Variants in NRXN3 observed in about 807,000 individuals in gnomAD.
NRXN3 encodes the protein neurexin 3, also known as neurexin III.
NRXN3 carries 32 observed loss-of-function variants against 137.6 expected under a neutral mutation model. The ratio of observed to expected loss-of-function variants is 0.23; its 90% CI spans 0.18 to 0.31. The LOEUF is 0.31. Ranked by LOEUF, NRXN3 falls within the 10% of genes least tolerant of loss-of-function variation. The probability of loss-of-function intolerance (pLI) is 1.00; values close to 1 mark genes in which losing one functional copy is unlikely to be tolerated. For missense variants in NRXN3, 1,574 were observed against 2,062.5 expected, an observed-to-expected ratio of 0.76 and a Z score of 4.59; for synonymous variants, 798 against 784.5, an observed-to-expected ratio of 1.02 and a Z score of -0.29.
At chr14:79,163,007 C>G (rs2060944067) in intron 15 of NRXN3, among the ~76,000 whole-genome samples, 1 of 151,794 alleles carries the variant, frequency 6.6e-6, no homozygotes, top group South Asian at 2.1e-4. Flanking sequence ...CTCTCTGTCT[C>G]TCTGCATGTG....
intron 4 of NRXN3, among the ~76,000 whole-genome samples, chr14:78,497,726 T>C (rs990283780): frequency 3.9e-5 from 6 of 152,180 alleles, no homozygotes; most frequent in African/African-American, 1.4e-4. Flanking sequence ...TATTTCATGG[T>C]TAGATATATA....
intron 15 of NRXN3, among the ~76,000 whole-genome samples, chr14:79,011,429 GAAA>G (rs759463585): frequency 4.8e-5 from 2 of 41,356 alleles, no homozygotes; most frequent in African/African-American, 1.7e-4. Context: ...GTTGGTCCAG[GAAA>G]AAAAAAAAAA....
intron 15 of NRXN3, among the ~76,000 whole-genome samples, chr14:79,290,354 T>C (rs1040878181): frequency 2.6e-5 from 4 of 152,148 alleles, no homozygotes; most frequent in Non-Finnish European, 5.9e-5. Flanking sequence ...TGAACCCACA[T>C]TGGTGTTTTA....
chr14:78,682,677 T>C (rs72683596), intron 6 of NRXN3, among the ~76,000 whole-genome samples: 16,351 of 150,936 alleles, frequency 0.11, 917 homozygotes, highest in Admixed American at 0.15. Flanking sequence ...AGGAGACAGA[T>C]ACTACACTGT....
intron 10 of NRXN3, among the ~76,000 whole-genome samples, chr14:78,878,946 C>T (rs1309643446): frequency 1.3e-5 from 2 of 151,958 alleles, no homozygotes; most frequent in African/African-American, 4.8e-5. Flanking sequence ...TAAGCGAGGT[C>T]GTGCAGTATT....
chr14:79,150,639 G>T (rs997889103), intron 15 of NRXN3, among the ~76,000 whole-genome samples: 1 of 151,204 alleles, frequency 6.6e-6, no homozygotes, highest in Non-Finnish European at 1.5e-5. Context: ...CCCAGTAGGA[G>T]ATCCACCACA....
At chr14:79,604,147 T>C (rs1303702838) in intron 16 of NRXN3, among the ~76,000 whole-genome samples, 1 of 151,792 alleles carries the variant, frequency 6.6e-6, no homozygotes, top group Admixed American at 6.6e-5. Flanking sequence ...CGCCTCGGCC[T>C]CCCAAGGTGC....
intron 15 of NRXN3, among the ~76,000 whole-genome samples, chr14:79,250,285 G>C (rs2075757790): frequency 6.6e-6 from 1 of 152,140 alleles, no homozygotes. Flanking sequence ...AGAGAAATAT[G>C]ATGTAGGCTT....
At chr14:78,760,889 G>C (rs981283099) in intron 8 of NRXN3, among the ~76,000 whole-genome samples, 1 of 152,112 alleles carries the variant, frequency 6.6e-6, no homozygotes, top group East Asian at 1.9e-4. Context: ...GAGGAATCAT[G>C]GAAAATACCT....
intron 10 of NRXN3, among the ~76,000 whole-genome samples, chr14:78,946,935 C>T (rs182870139): frequency 6.6e-6 from 1 of 152,224 alleles, no homozygotes; most frequent in Non-Finnish European, 1.5e-5. Context: ...ATGTGCATGT[C>T]TTGCAAGTTT....
At chr14:79,134,091 C>T (rs12880289) in intron 15 of NRXN3, among the ~76,000 whole-genome samples, 4 of 151,844 alleles carry the variant, frequency 2.6e-5, no homozygotes, top group African/African-American at 7.3e-5. Flanking sequence ...TTCCTCTCAC[C>T]CCTTAGTGGT....
chr14:78,704,533 G>A (rs985819377), intron 6 of NRXN3, among the ~76,000 whole-genome samples: 1 of 152,182 alleles, frequency 6.6e-6, no homozygotes, highest in African/African-American at 2.4e-5. Flanking sequence ...TTGTGCAGGA[G>A]GGGAAGGGCT....
intron 16 of NRXN3, among the ~76,000 whole-genome samples, chr14:79,626,581 T>C (rs1214557623): frequency 6.6e-6 from 1 of 152,214 alleles, no homozygotes; most frequent in Non-Finnish European, 1.5e-5. Flanking sequence ...ATTCTTCAGA[T>C]AAACAGGTTG....
rs552610051 is a variant in NRXN3, at chr14:78,821,554, G to A, written c.2275+11210G>A. Among the ~76,000 whole-genome samples the A allele has an allele frequency of 1.4e-4, 22 of 152,188 alleles. No individual in the cohort carries two copies. The East Asian group carries it at 4.1e-3, about 28-fold the overall frequency. On this transcript the variant is annotated intron_variant, in intron 10 of 20. Coordinates refer to ENST00000335750, the MANE Select transcript of NRXN3 (RefSeq NM_001330195.2). ...CAGTGTATGGCAGCAGCAAATGTGT[G>A]TCAGATAGAAAGACAAAGGGAAAGG...
intron 4 of NRXN3, among the ~76,000 whole-genome samples, chr14:78,448,560 A>G (rs1380898850): frequency 6.6e-6 from 1 of 152,198 alleles, no homozygotes; most frequent in Non-Finnish European, 1.5e-5. Context: ...CTGTGAAACC[A>G]GTGTATTGAC....
intron 6 of NRXN3, among the ~76,000 whole-genome samples, chr14:78,702,642 C>T (rs781030538): frequency 2.7e-4 from 41 of 151,948 alleles, no homozygotes; most frequent in Non-Finnish European, 5.0e-4. Context: ...TGGGGTTTCA[C>T]CATGTTGGCC....
intron 20 of NRXN3, among the ~76,000 whole-genome samples, chr14:79,816,535 G>A (rs1476846729): frequency 6.6e-6 from 1 of 152,146 alleles, no homozygotes; most frequent in Non-Finnish European, 1.5e-5. Flanking sequence ...GACTAATTTT[G>A]TTTCCTCCAA....
chr14:78,203,944 AT>A (rs75141932), intron 1 of NRXN3, among the ~76,000 whole-genome samples: 4 of 147,342 alleles, frequency 2.7e-5, no homozygotes, highest in South Asian at 2.2e-4. Context: ...GTGTTGTCTG[AT>A]TTTTTTTTCC....
intron 4 of NRXN3, among the ~76,000 whole-genome samples, chr14:78,303,185 T>C (rs1376280247): frequency 2.0e-5 from 3 of 152,200 alleles, no homozygotes; most frequent in Admixed American, 2.0e-4. Flanking sequence ...TTTCTCTACC[T>C]TTTAATAGTC....
Sources: gnomAD v4.1 joint callset for allele counts (sites outside exome capture counted in the v4.1 genomes callset) on GRCh38, gnomAD v4.1.1 for gene constraint, MANE v1.5 for transcripts, NCBI Gene and HGNC (gene_info 2026-07-23, HGNC 2026-07-21) for gene names.